The following IQGAP3 variants were observed in gnomAD, a reference collection of about 807,000 sequenced individuals.
The protein encoded by IQGAP3 is IQ motif containing GTPase activating protein 3.
A neutral mutation model predicts 208.2 loss-of-function variants in IQGAP3; 165 were observed. The observed-to-expected ratio is 0.79, with a 90% CI of 0.70 to 0.90. The LOEUF (loss-of-function observed/expected upper bound fraction) is 0.90. IQGAP3 is among the 40% of genes least tolerant of loss of function. The pLI, the probability that IQGAP3 is intolerant of heterozygous loss-of-function variation, is 0.00. For missense variants in IQGAP3, 1,811 were observed against 2,043.1 expected, an observed-to-expected ratio of 0.89 and a Z score of 2.19; for synonymous variants, 703 against 803.6, an observed-to-expected ratio of 0.87 and a Z score of 2.12.
At position 156,548,077 on chromosome 1, in the gene IQGAP3, A is replaced by C; in HGVS notation, c.2300T>G (p.Ile767Ser). ...LRTWLPAVIK[I>S]QAHWRGYRQR... is the part of the protein sequence containing the mutation. Reference sequence around the variant, plus strand: ...GAGAAAGCCAGAGCCTGCCACCTGGATCTTGATGACTGCTGGGAGCCAGGT... The same window carrying C: ...GAGAAAGCCAGAGCCTGCCACCTGGCTCTTGATGACTGCTGGGAGCCAGGT... Residue 767 changes from isoleucine to serine, a missense_variant, in exon 19 of 38, where the codon ATC becomes AGC. Ile to Ser is a moderately radical substitution (Grantham distance 142). Coordinates refer to ENST00000361170, the MANE Select transcript of IQGAP3 (RefSeq NM_178229.5). 4 of 1,612,946 alleles carry C rather than the reference A, an allele frequency of 2.5e-6. No homozygotes were observed. The highest frequency in any genetic ancestry group is 3.4e-6 in the Non-Finnish European group (4 of 1,179,438).
In IQGAP3 at chr1:156,534,088, A is replaced by G. The variant is rs756919242; in HGVS notation, c.3794T>C (p.Val1265Ala). 2.5e-6 allele frequency: 4 copies of G among 1,614,080 alleles called. No homozygotes were observed. Among genetic ancestry groups the G allele is most frequent in the East Asian group, 4.5e-5 (2 of 44,870 alleles). The change falls in exon 30 of 38, where the codon GTG becomes GCG. Residue 1265 changes from valine (V) to alanine (A), a missense_variant. Val to Ala is a moderately conservative substitution (Grantham distance 64). Transcript: ENST00000361170. ...QVPEPEERFA[V>A]DEYSDMVAVA... ...AGCCACCATGTCTGAGTACTCGTCC[A>G]CTGCAAAACGCTCCTCTGGCTCTGG...
rs928069531 is a variant in IQGAP3 at position 156,540,834 on chromosome 1, C to T, written c.2613G>A (p.Glu871=). Residue 871 remains glutamate (E), a synonymous_variant, in exon 23 of 38, where the codon GAG becomes GAA. Transcript: ENST00000361170. ...CTTCCTGGAGCTTCAGCAGCTCTGC[C>T]TCAGCCAAGAAGTCTTGCTGGCTTT... is the stretch of plus-strand genomic sequence containing the variant. ...LNQSQQDFLA[E]AELLKLQEEV... The T allele has an allele frequency of 6.2e-7, 1 of 1,614,000 alleles. No homozygotes were observed. The highest frequency in any genetic ancestry group is 8.5e-7 in the Non-Finnish European group (1 of 1,180,024).
chr1:156,537,236 G>A lies in IQGAP3; in HGVS notation c.3367C>T (p.Leu1123Phe). The change falls in exon 27 of 38, where the codon CTC becomes TTC. Residue 1123 changes from leucine (L) to phenylalanine (F), a missense_variant. Leu to Phe is a conservative substitution (Grantham distance 22). Transcript: ENST00000361170. ...AAAAGGAACTTATCAGTCATGGCGA[G>A]GAGGTTGCGTAGGGCGATGTCCAGT... ...RRLDIALRNL[L>F]AMTDKFLLAI... 6.2e-7 allele frequency: 1 copy of A among 1,614,166 alleles called. No homozygotes were observed. Among genetic ancestry groups the A allele is most frequent in the Non-Finnish European group, 8.5e-7 (1 of 1,180,024 alleles).
At chr1:156,527,598 C>A (rs1476856577) in intron 37 of IQGAP3, among the ~76,000 whole-genome samples, 3 of 152,214 alleles carry the variant, frequency 2.0e-5, no homozygotes, top group Admixed American at 2.0e-4. Flanking sequence ...AACCTTTTAG[C>A]CTAGAGCCTG....
Position 156,556,933 on chromosome 1 carries a change from T to TGTAACACAGAGTGG in IQGAP3, c.1130-241_1130-240insCCACTCTGTGTTAC, listed in dbSNP as rs770984633. Among the ~76,000 whole-genome samples, 373 of 45,034 alleles carry TGTAACACAGAGTGG rather than the reference T, an allele frequency of 8.3e-3. 156 individuals are homozygous for TGTAACACAGAGTGG. Among genetic ancestry groups the TGTAACACAGAGTGG allele is most frequent in the South Asian group, 0.026 (30 of 1,154 alleles). The allele number at this position is 45,034 out of a possible 152,430, so 29.5% of individuals were successfully genotyped here. On this transcript the variant is annotated intron_variant, in intron 11 of 37. Transcript: ENST00000361170. ...GGCCTAGAAATTGAGTAGCTCAGCC[T>TGTAACACAGAGTGG]CTGCCCCGCCGCCCTGTCTGGGATG...
chr1:156,537,591 G>A (rs1230206006), intron 26 of IQGAP3, among the ~76,000 whole-genome samples: 1 of 152,180 alleles, frequency 6.6e-6, no homozygotes, highest in African/African-American at 2.4e-5. Context: ...CTTCTAAGGG[G>A]AACAGATGAC....
intron 27 of IQGAP3, among the ~76,000 whole-genome samples, chr1:156,535,759 C>T (rs1037171676): frequency 2.0e-5 from 3 of 152,134 alleles, no homozygotes; most frequent in Non-Finnish European, 4.4e-5. Context: ...ATCAGTGAGC[C>T]GGGAGGAGAA....
intron 35 of IQGAP3, 137 bp from the exon 36 acceptor site, chr1:156,528,747 C>G: frequency 9.5e-7 from 1 of 1,053,236 alleles, no homozygotes; most frequent in Non-Finnish European, 1.4e-6. Flanking sequence ...GGGGGCTGCA[C>G]TTGAGCCCAA....
At position 156,539,399 on chromosome 1, in the gene IQGAP3, T is replaced by G. The variant is rs900416393; in HGVS notation, c.3031A>C (p.Lys1011Gln). The change falls in exon 25 of 38, where the codon AAG becomes CAG. Residue 1011 changes from lysine (K) to glutamine (Q), a missense_variant. Lys to Gln is a moderately conservative substitution (Grantham distance 53). Coordinates refer to ENST00000361170, the MANE Select transcript of IQGAP3 (RefSeq NM_178229.5). Reference protein sequence around the residue: ...REAYLLLQLFKTALQEEIKSK... With the variant: ...REAYLLLQLFQTALQEEIKSK... ...TTGATTTCCTCCTGGAGTGCTGTCT[T>G]GAACAGCTGGAGCAGGAGATAGGCC... 1 of 1,613,986 alleles carries G rather than the reference T, an allele frequency of 6.2e-7. No individual in the cohort carries two copies. The highest frequency in any genetic ancestry group is 8.5e-7 in the Non-Finnish European group (1 of 1,180,020).
In IQGAP3 at chr1:156,535,219, G is replaced by A. The variant is rs35790709; in HGVS notation, c.3451C>T (p.Leu1151=). The change falls in exon 28 of 38, where the codon CTG becomes TTG. Residue 1151 remains leucine (L), a synonymous_variant. Transcript: ENST00000361170. ...PYGMRYVAKV[L]KATLAEKFPD... ...AATTTCTCTGCCAGAGTTGCCTTCAGGACTTTGGCCACATATCGCATCCCA... is the reference window on the plus strand; with the variant it reads ...AATTTCTCTGCCAGAGTTGCCTTCAAGACTTTGGCCACATATCGCATCCCA... 121 of 1,613,390 alleles carry A rather than the reference G, an allele frequency of 7.5e-5. No individual in the cohort carries two copies. The Middle Eastern group carries it at 1.2e-3, about 15-fold the overall frequency.
intron 13 of IQGAP3, among the ~76,000 whole-genome samples, chr1:156,552,313 T>C (rs1385798790): frequency 2.6e-5 from 4 of 152,224 alleles, no homozygotes; most frequent in Admixed American, 2.0e-4. Flanking sequence ...TTCAGACCTC[T>C]TCTCTCTCCA....
At chr1:156,547,627 T>C (rs1263282043) in intron 19 of IQGAP3, among the ~76,000 whole-genome samples, 2 of 152,164 alleles carry the variant, frequency 1.3e-5, no homozygotes, top group African/African-American at 4.8e-5. Flanking sequence ...TAAATCTTAT[T>C]TCACTCTTCC....
chr1:156,540,402 T>C (rs1674920510), intron 23 of IQGAP3, among the ~76,000 whole-genome samples: 1 of 152,166 alleles, frequency 6.6e-6, no homozygotes, highest in South Asian at 2.1e-4. Context: ...GAGGTGGACA[T>C]TCTCATTATT....
At position 156,526,633 on chromosome 1, in the gene IQGAP3, G is replaced by A. The variant is rs755713102; in HGVS notation, c.4783-34C>T. ...GAAGAGGCAGGGAGGGGAGTTTAAG[G>A]GCTTCTGAATGTGGTCCAGTCAGAT... On this transcript the variant is annotated intron_variant, in intron 37 of 37. Coordinates refer to ENST00000361170, the MANE Select transcript of IQGAP3 (RefSeq NM_178229.5). The A allele has an allele frequency of 8.8e-6, 13 of 1,475,826 alleles. No individual in the cohort carries two copies. In the South Asian group the frequency reaches 1.1e-4, roughly 13 times the overall value. The allele number at this position is 1,475,826 out of a possible 1,614,324, so 91.4% of individuals were successfully genotyped here.
rs779189332 is a variant in IQGAP3 at position 156,556,631 on chromosome 1, T to C, written c.1192A>G (p.Lys398Glu). Reference protein sequence around the residue: ...IRRRVAADTVKELMCPEAQLP... With the variant: ...IRRRVAADTVEELMCPEAQLP... ...TGGGCCTCAGGGCACATCAGCTCCT[T>C]CACAGTGTCAGCCGCCACTCTCCTC... The change falls in exon 12 of 38, where the codon AAG becomes GAG. Residue 398 changes from lysine (K) to glutamate (E), a missense_variant. Transcript: ENST00000361170. The C allele has an allele frequency of 1.2e-6, 2 of 1,610,590 alleles. No homozygotes were observed. The highest frequency in any genetic ancestry group is 1.7e-6 in the Non-Finnish European group (2 of 1,177,794).
chr1:156,551,685 C>T lies in IQGAP3; in HGVS notation c.1734+20G>A. ...TGTTCTTCCTGCTCTGATGACCAAC[C>T]CAACCAGCCCTAACTTCACCTGGGC... On this transcript the variant is annotated intron_variant, in intron 15 of 37. Transcript: ENST00000361170. 1 of 1,597,092 alleles carries T rather than the reference C, an allele frequency of 6.3e-7. No homozygotes were observed. The highest frequency in any genetic ancestry group is 8.5e-7 in the Non-Finnish European group (1 of 1,172,018).
intron 36 of IQGAP3, among the ~76,000 whole-genome samples, 194 bp downstream of exon 36, chr1:156,528,315 T>C (rs1674205426): frequency 6.6e-6 from 1 of 152,188 alleles, no homozygotes; most frequent in Non-Finnish European, 1.5e-5. Context: ...CCTCAGGGCA[T>C]CTAGAACTGT....
chr1:156,536,987 C>T (rs1017297386), intron 27 of IQGAP3, 194 bp downstream of exon 27: 8 of 507,932 alleles, frequency 1.6e-5, no homozygotes, highest in East Asian at 1.0e-4. Context: ...ACTTGCACGC[C>T]GTCTCTCAGC....
intron 13 of IQGAP3, among the ~76,000 whole-genome samples, chr1:156,552,463 A>G (rs995529406): frequency 6.6e-6 from 1 of 152,108 alleles, no homozygotes; most frequent in Non-Finnish European, 1.5e-5. Flanking sequence ...CCTCAAACCC[A>G]ACAGCTCACA....
Sources: allele counts gnomAD v4.1 joint callset (sites outside exome capture counted in the v4.1 genomes callset), GRCh38; gene constraint gnomAD v4.1.1; transcripts MANE v1.5; gene names NCBI Gene and HGNC (gene_info 2026-07-23, HGNC 2026-07-21).